ROBO2: variants seen among roughly 807,000 people sequenced by gnomAD.
ROBO2 encodes the protein roundabout homolog 2.
ROBO2 carries 53 observed loss-of-function variants against 160.8 expected under a neutral mutation model. The observed-to-expected ratio is 0.33, with a 90% CI of 0.26 to 0.41. The LOEUF (loss-of-function observed/expected upper bound fraction) is 0.41. Ranked by LOEUF, ROBO2 falls within the 10% of genes least tolerant of loss-of-function variation. The pLI, the probability that ROBO2 is intolerant of heterozygous loss-of-function variation, is 1.00. For missense variants in ROBO2, 1,577 were observed against 1,722.4 expected, an observed-to-expected ratio of 0.92 and a Z score of 1.49; for synonymous variants, 664 against 611.7, an observed-to-expected ratio of 1.09 and a Z score of -1.26.
Position 77,481,095 on chromosome 3 carries a change from A to G in ROBO2, c.547-4A>G, listed in dbSNP as rs374693254. 1.9e-6 allele frequency: 3 copies of G among 1,611,016 alleles called. No individual in the cohort carries two copies. The highest frequency in any genetic ancestry group is 2.5e-6 in the Non-Finnish European group (3 of 1,178,118). On this transcript the variant is annotated splice_region_variant and splice_polypyrimidine_tract_variant and intron_variant, in intron 3 of 25. Transcript: ENST00000461745. ...TCTCTTTTCTTTTTGTTTGATTTTAACAGATCCGTGGTGGAAAACTGATGA... is the reference window on the plus strand; with the variant it reads ...TCTCTTTTCTTTTTGTTTGATTTTAGCAGATCCGTGGTGGAAAACTGATGA...
At chr3:76,352,916 G>C (rs2074961888) in intron 2 of ROBO2, among the ~76,000 whole-genome samples, 1 of 151,946 alleles carries the variant, frequency 6.6e-6, no homozygotes, top group South Asian at 2.1e-4. Context: ...CAAGGCACAC[G>C]TGGCTTTTGA....
intron 24 of ROBO2, among the ~76,000 whole-genome samples, chr3:77,636,007 C>A (rs528976157): frequency 6.6e-6 from 1 of 152,012 alleles, no homozygotes; most frequent in Non-Finnish European, 1.5e-5. Context: ...GATCACATAG[C>A]GGAAGGGACA....
At chr3:77,399,093 G>T (rs894010739) in intron 2 of ROBO2, among the ~76,000 whole-genome samples, 13 of 152,004 alleles carry the variant, frequency 8.6e-5, no homozygotes, top group Admixed American at 2.6e-4. Context: ...TGCCAAGTTT[G>T]ATTTTTTAAA....
intron 2 of ROBO2, among the ~76,000 whole-genome samples, chr3:76,620,384 G>A (rs909816601): frequency 4.6e-5 from 7 of 152,134 alleles, no homozygotes; most frequent in South Asian, 2.1e-4. Flanking sequence ...TATGGATAAC[G>A]AAAAATCATT....
At chr3:76,111,447 A>G (rs1323787463) in intron 2 of ROBO2, among the ~76,000 whole-genome samples, 2 of 151,960 alleles carry the variant, frequency 1.3e-5, no homozygotes, top group South Asian at 2.1e-4. Context: ...AGCCACCTGG[A>G]TGTTTCACTT....
At chr3:76,907,471 C>A (rs1317218951) in intron 2 of ROBO2, among the ~76,000 whole-genome samples, 1 of 152,080 alleles carries the variant, frequency 6.6e-6, no homozygotes, top group Non-Finnish European at 1.5e-5. Context: ...TTTTTTATTT[C>A]TCTCATCTTT....
intron 2 of ROBO2, among the ~76,000 whole-genome samples, chr3:76,999,802 T>C (rs933610150): frequency 1.3e-5 from 2 of 152,210 alleles, no homozygotes; most frequent in Non-Finnish European, 2.9e-5. Flanking sequence ...ATTTTCATCT[T>C]TGTAAGTAGG....
At chr3:77,453,278 C>G (rs1470468133) in intron 2 of ROBO2, among the ~76,000 whole-genome samples, 1 of 152,224 alleles carries the variant, frequency 6.6e-6, no homozygotes, top group East Asian at 1.9e-4. Context: ...TTTCTCATCA[C>G]TGCAGTTGGC....
At chr3:77,185,664 C>T (rs915928072) in intron 2 of ROBO2, among the ~76,000 whole-genome samples, 1 of 151,876 alleles carries the variant, frequency 6.6e-6, no homozygotes, top group Non-Finnish European at 1.5e-5. Context: ...TACTGGGTGT[C>T]TACCCAGAGG....
At chr3:76,052,604 T>C (rs2067693878) in intron 2 of ROBO2, among the ~76,000 whole-genome samples, 1 of 152,048 alleles carries the variant, frequency 6.6e-6, no homozygotes, top group Non-Finnish European at 1.5e-5. Context: ...GTAAGGACTT[T>C]GGCAAATATT....
intron 2 of ROBO2, among the ~76,000 whole-genome samples, chr3:77,442,787 C>T (rs1474563379): frequency 6.6e-6 from 1 of 152,124 alleles, no homozygotes; most frequent in Non-Finnish European, 1.5e-5. Flanking sequence ...ATCTTCTCTT[C>T]CAAGATCTAT....
intron 2 of ROBO2, among the ~76,000 whole-genome samples, chr3:76,987,511 A>AC (rs2060446167): frequency 6.6e-6 from 1 of 152,172 alleles, no homozygotes; most frequent in Non-Finnish European, 1.5e-5. Context: ...GTAGTCACAA[A>AC]ATATAACTCA....
chr3:77,445,892 T>C (rs988323412), intron 2 of ROBO2, among the ~76,000 whole-genome samples: 7 of 151,566 alleles, frequency 4.6e-5, no homozygotes, highest in Non-Finnish European at 2.9e-5. Context: ...TAGTATACTG[T>C]ACAGGTGAAA....
At chr3:77,180,244 A>G (rs1037094259) in intron 2 of ROBO2, among the ~76,000 whole-genome samples, 1 of 151,952 alleles carries the variant, frequency 6.6e-6, no homozygotes, top group East Asian at 1.9e-4. Flanking sequence ...GCCCAAGTCT[A>G]GAAAAAAACA....
chr3:77,211,988 T>C (rs1276250368), intron 2 of ROBO2, among the ~76,000 whole-genome samples: 1 of 152,226 alleles, frequency 6.6e-6, no homozygotes, highest in East Asian at 1.9e-4. Flanking sequence ...CCTTGTAGTA[T>C]AGTTTGATGT....
intron 2 of ROBO2, among the ~76,000 whole-genome samples, chr3:76,458,532 A>G (rs901602935): frequency 6.6e-6 from 1 of 151,780 alleles, no homozygotes; most frequent in Non-Finnish European, 1.5e-5. Context: ...AACTGTTCCA[A>G]CCTCTGCCTG....
chr3:77,486,538 ATGTT>A (rs913628110), intron 4 of ROBO2, among the ~76,000 whole-genome samples: 11 of 35,692 alleles, frequency 3.1e-4, no homozygotes, highest in African/African-American at 7.4e-4. Flanking sequence ...TTTTTTTCAT[ATGTT>A]TGTTAGCCAC....
At position 76,466,884 on chromosome 3, in the gene ROBO2, T is replaced by C. The variant is rs565643130; in HGVS notation, c.109+529282T>C. 2.0e-5 allele frequency among the ~76,000 whole-genome samples: 3 copies of C among 152,156 alleles called. No individual in the cohort carries two copies. In the South Asian group the frequency reaches 6.2e-4, roughly 31 times the overall value. Reference sequence around the variant, plus strand: ...TTCACGATCATGAAATAAAATTTGCTTTAACACTAAGCTTTATGTATGTAC... The same window carrying C: ...TTCACGATCATGAAATAAAATTTGCCTTAACACTAAGCTTTATGTATGTAC... On this transcript the variant is annotated intron_variant, in intron 2 of 26. Transcript: ENST00000487694.
chr3:76,713,803 G>A (rs915401015), intron 2 of ROBO2, among the ~76,000 whole-genome samples: 1 of 152,026 alleles, frequency 6.6e-6, no homozygotes, highest in African/African-American at 2.4e-5. Flanking sequence ...TAAGTTCTCA[G>A]TCATAACTAT....
Sources: allele counts gnomAD v4.1 joint callset (sites outside exome capture counted in the v4.1 genomes callset), GRCh38; gene constraint gnomAD v4.1.1; transcripts MANE v1.5; gene names NCBI Gene and HGNC (gene_info 2026-07-23, HGNC 2026-07-21).